GMDS: variants seen among roughly 807,000 people sequenced by gnomAD.
GMDS encodes the protein GDP-mannose 4,6 dehydratase.
A neutral mutation model predicts 49.9 loss-of-function variants in GMDS; 20 were observed. That is an observed-to-expected ratio of 0.40 (90% CI 0.28 to 0.58). GMDS has a LOEUF of 0.58. Ranked by LOEUF, GMDS falls within the 20% of genes least tolerant of loss-of-function variation. The pLI is 0.42. For synonymous variants in GMDS, 177 were observed against 178.6 expected, an observed-to-expected ratio of 0.99 and a Z score of 0.07; for missense variants, 362 against 481.4, an observed-to-expected ratio of 0.75 and a Z score of 2.32.
chr6:2,197,212 G>A (rs1030182962), intron 1 of GMDS, among the ~76,000 whole-genome samples: 1 of 152,272 alleles, frequency 6.6e-6, no homozygotes. Flanking sequence ...AGGCTCTCCC[G>A]CACCATAAGG....
rs556529317 is a variant in GMDS, at chr6:2,136,082, A to G, written c.103-11351T>C. ...GAATACTGTAGGCAACTGTCGCACT[A>G]TTGTAAGTATTTGTGTATCTACACA... is the stretch of plus-strand genomic sequence containing the variant. On this transcript the variant is annotated intron_variant, in intron 1 of 10. Coordinates refer to ENST00000380815, the MANE Select transcript of GMDS (RefSeq NM_001500.4). Among the ~76,000 whole-genome samples, 7 of 152,286 alleles carry G rather than the reference A, an allele frequency of 4.6e-5. No homozygotes were observed. The East Asian group carries it at 1.4e-3, about 29-fold the overall frequency.
intron 1 of GMDS, among the ~76,000 whole-genome samples, chr6:2,223,009 C>G (rs184862394): frequency 3.2e-4 from 48 of 152,232 alleles, no homozygotes; most frequent in East Asian, 2.5e-3. Context: ...GGAGCTGCAA[C>G]ATCAACTCTT....
intron 4 of GMDS, among the ~76,000 whole-genome samples, chr6:2,070,103 T>C (rs1181858309): frequency 6.6e-6 from 1 of 151,220 alleles, no homozygotes; most frequent in African/African-American, 2.4e-5. Context: ...AAATGATGAG[T>C]TCATGTCCTT....
intron 6 of GMDS, among the ~76,000 whole-genome samples, chr6:1,958,292 T>C (rs568927078): frequency 1.3e-5 from 2 of 152,158 alleles, no homozygotes; most frequent in Non-Finnish European, 2.9e-5. Flanking sequence ...AATTAACTTT[T>C]ATTTTTTTTT....
At position 1,778,433 on chromosome 6, in the gene GMDS, G is replaced by A. The variant is rs58699377; in HGVS notation, c.772-35847C>T. On this transcript the variant is annotated intron_variant, in intron 7 of 10. Coordinates refer to ENST00000380815, the MANE Select transcript of GMDS (RefSeq NM_001500.4). This position sits in a 1 kb window ranked among gnomAD's most constrained non-coding sequence, Gnocchi z 4.6. ...GGAGACAGCAGACGAGTGGAACGGCGGGCACTGTGCTGAGGAGTGGCCAAG... is the reference window on the plus strand; with the variant it reads ...GGAGACAGCAGACGAGTGGAACGGCAGGCACTGTGCTGAGGAGTGGCCAAG... Among the ~76,000 whole-genome samples, 24,910 of 152,128 alleles carry A rather than the reference G, an allele frequency of 0.16. 4,973 individuals are homozygous for A. The highest frequency in any genetic ancestry group is 0.48 in the African/African-American group (19,854 of 41,418).
At chr6:1,776,027 T>C (rs1768818874) in intron 7 of GMDS, among the ~76,000 whole-genome samples, 1 of 152,176 alleles carries the variant, frequency 6.6e-6, no homozygotes, top group African/African-American at 2.4e-5. Context: ...TGTGCTGTAC[T>C]AGCACAACCT....
At chr6:2,177,874 T>C (rs1251701730) in intron 1 of GMDS, among the ~76,000 whole-genome samples, 4 of 152,132 alleles carry the variant, frequency 2.6e-5, no homozygotes, top group African/African-American at 7.2e-5. Context: ...AGTAAAGACA[T>C]AGAATCAACG....
At chr6:1,815,823 C>T (rs1389831997) in intron 7 of GMDS, among the ~76,000 whole-genome samples, 1 of 152,128 alleles carries the variant, frequency 6.6e-6, no homozygotes, top group African/African-American at 2.4e-5. Context: ...TTTTGATGAC[C>T]CTCTGCCTGT....
intron 7 of GMDS, among the ~76,000 whole-genome samples, chr6:1,817,306 T>G (rs1238510749): frequency 2.6e-5 from 4 of 152,154 alleles, no homozygotes; most frequent in African/African-American, 4.8e-5. Context: ...TTTTCTCCAA[T>G]TTCACCACAA....
At chr6:1,679,008 C>T (rs1174773744) in intron 9 of GMDS, among the ~76,000 whole-genome samples, 4 of 152,272 alleles carry the variant, frequency 2.6e-5, no homozygotes, top group East Asian at 3.9e-4. Flanking sequence ...TTTACTGAAA[C>T]GACACTAGAC....
chr6:2,189,708 G>A (rs917999798), intron 1 of GMDS, among the ~76,000 whole-genome samples: 2 of 152,202 alleles, frequency 1.3e-5, no homozygotes, highest in African/African-American at 4.8e-5. Context: ...TGCTCTGGAG[G>A]ATTGGAAGCA....
At chr6:1,669,577 G>A (rs114914577) in intron 9 of GMDS, among the ~76,000 whole-genome samples, 46 of 152,272 alleles carry the variant, frequency 3.0e-4, no homozygotes, top group African/African-American at 1.1e-3. Context: ...GCACTTCACC[G>A]CAGCTCAGGC....
At chr6:2,149,329 T>A (rs1037915537) in intron 1 of GMDS, among the ~76,000 whole-genome samples, 1 of 152,220 alleles carries the variant, frequency 6.6e-6, no homozygotes, top group Non-Finnish European at 1.5e-5. Flanking sequence ...ATTGACTTTT[T>A]ATTTTTTTAG....
intron 4 of GMDS, among the ~76,000 whole-genome samples, chr6:1,999,068 A>G (rs1165612442): frequency 6.6e-6 from 1 of 152,164 alleles, no homozygotes. Context: ...TCACGCCTGT[A>G]ATCCCAGCAC....
chr6:1,675,491 TGGAA>T (rs1033214312), intron 9 of GMDS, among the ~76,000 whole-genome samples: 3 of 152,170 alleles, frequency 2.0e-5, no homozygotes, highest in African/African-American at 7.2e-5. Flanking sequence ...ATCATGGTGG[TGGAA>T]GAAGGGACAT....
chr6:2,221,878 C>T (rs1177328929), intron 1 of GMDS, among the ~76,000 whole-genome samples: 3 of 152,038 alleles, frequency 2.0e-5, no homozygotes, highest in Non-Finnish European at 4.4e-5. Flanking sequence ...GTGGCCACTG[C>T]CCACAGGGGC....
intron 4 of GMDS, among the ~76,000 whole-genome samples, chr6:2,094,233 A>T (rs1329205332): frequency 2.0e-5 from 3 of 152,258 alleles, no homozygotes; most frequent in Non-Finnish European, 4.4e-5. Context: ...ACTAGAAATG[A>T]TTACAATTAG....
chr6:1,922,243 T>C (rs956821302), intron 7 of GMDS, among the ~76,000 whole-genome samples: 3 of 152,258 alleles, frequency 2.0e-5, no homozygotes, highest in African/African-American at 7.2e-5. Context: ...AGCAGATCCC[T>C]GGTTTTTCCA....
At chr6:1,843,038 G>A (rs763003448) in intron 7 of GMDS, among the ~76,000 whole-genome samples, 9 of 151,676 alleles carry the variant, frequency 5.9e-5, no homozygotes, top group Admixed American at 1.3e-4. Flanking sequence ...CCCAGGAGGC[G>A]GAGGTTGCAG....
Sources: gnomAD v4.1 joint callset for allele counts (sites outside exome capture counted in the v4.1 genomes callset) on GRCh38, gnomAD v4.1.1 for gene constraint, Gnocchi (gnomAD v3.1) non-coding constraint, MANE v1.5 for transcripts, NCBI Gene and HGNC (gene_info 2026-07-23, HGNC 2026-07-21) for gene names.